Variants in CSMD3 observed in about 807,000 individuals in gnomAD.
CSMD3 encodes the protein CUB and sushi domain-containing protein 3.
Under a neutral mutation model 435.2 loss-of-function variants are expected in CSMD3, and 177 were observed. The ratio of observed to expected loss-of-function variants is 0.41; its 90% CI spans 0.36 to 0.46. CSMD3 has a LOEUF of 0.46. Ranked by LOEUF, CSMD3 falls within the 20% of genes least tolerant of loss-of-function variation. The pLI is 0.34. For synonymous variants in CSMD3, 1,656 were observed against 1,520.5 expected (o/e 1.09, Z -2.07); for missense variants, 4,265 against 4,504.6 (o/e 0.95, Z 1.52).
intron 3 of CSMD3, among the ~76,000 whole-genome samples, chr8:113,252,271 T>C (rs1392872211): frequency 6.6e-6 from 1 of 152,068 alleles, no homozygotes; most frequent in East Asian, 1.9e-4. Flanking sequence ...GTCTGGAACA[T>C]TGGTTTTCAC....
chr8:112,598,934 A>T (rs1440013415), intron 22 of CSMD3, among the ~76,000 whole-genome samples: 2 of 151,628 alleles, frequency 1.3e-5, no homozygotes, highest in Non-Finnish European at 3.0e-5. Context: ...AAACCTAGGC[A>T]GTACCATTCA....
intron 28 of CSMD3, among the ~76,000 whole-genome samples, chr8:112,511,485 G>A (rs1415689142): frequency 1.3e-4 from 19 of 146,592 alleles, no homozygotes; most frequent in Admixed American, 1.2e-3. Flanking sequence ...CGTCTCCCGG[G>A]TTCACGCCAT....
intron 3 of CSMD3, among the ~76,000 whole-genome samples, chr8:113,175,869 T>C (rs1018692018): frequency 1.1e-4 from 17 of 152,034 alleles, no homozygotes; most frequent in Non-Finnish European, 2.2e-4. Flanking sequence ...AAGTTATATG[T>C]CTAGGAGAAA....
intron 16 of CSMD3, among the ~76,000 whole-genome samples, chr8:112,673,806 A>C (rs73342525): frequency 0.017 from 2,648 of 152,228 alleles, 76 homozygotes; most frequent in African/African-American, 0.061. Flanking sequence ...ATTCTCTTAG[A>C]TATCCCATTA....
intron 1 of CSMD3, among the ~76,000 whole-genome samples, chr8:113,391,369 C>T (rs923068179): frequency 3.4e-5 from 5 of 148,262 alleles, no homozygotes; most frequent in African/African-American, 1.2e-4. Flanking sequence ...TGTGTAGATG[C>T]TCCTGTTGGT....
intron 5 of CSMD3, among the ~76,000 whole-genome samples, chr8:113,042,221 T>C (rs2131292129): frequency 6.6e-6 from 1 of 152,274 alleles, no homozygotes; most frequent in African/African-American, 2.4e-5. Context: ...TGGGGTTATA[T>C]TGCACTCGTT....
chr8:112,708,210 T>C (rs1271633846), intron 13 of CSMD3, among the ~76,000 whole-genome samples: 1 of 152,034 alleles, frequency 6.6e-6, no homozygotes, highest in Non-Finnish European at 1.5e-5. Flanking sequence ...AGGACTTTTG[T>C]ATATGGAATT....
intron 3 of CSMD3, among the ~76,000 whole-genome samples, chr8:113,213,253 T>G (rs2092860564): frequency 6.6e-6 from 1 of 152,118 alleles, no homozygotes; most frequent in Non-Finnish European, 1.5e-5. Context: ...TCTCAAGTAA[T>G]TCATCCCATG....
chr8:112,320,769 A>ACTTT (rs1179472842), intron 45 of CSMD3, among the ~76,000 whole-genome samples: 1 of 152,054 alleles, frequency 6.6e-6, no homozygotes, highest in Admixed American at 6.6e-5. Context: ...ACTGTTAAAG[A>ACTTT]GAGTTAAAAA....
At chr8:113,084,688 C>A (rs529486334) in intron 5 of CSMD3, among the ~76,000 whole-genome samples, 4 of 145,788 alleles carry the variant, frequency 2.7e-5, no homozygotes, top group African/African-American at 1.0e-4. Context: ...AATCCATGGA[C>A]ATCACACTAC....
intron 12 of CSMD3, among the ~76,000 whole-genome samples, chr8:112,805,572 T>C (rs2079065623): frequency 6.6e-6 from 1 of 152,214 alleles, no homozygotes; most frequent in South Asian, 2.1e-4. Flanking sequence ...GTGATAAAGA[T>C]GATTGACCTG....
chr8:113,388,685 G>C (rs1474947089), intron 1 of CSMD3, among the ~76,000 whole-genome samples: 4 of 151,524 alleles, frequency 2.6e-5, no homozygotes, highest in African/African-American at 9.7e-5. Flanking sequence ...TCAATCTAAA[G>C]AAAAACATTT....
At chr8:112,965,696 C>T (rs1206245891) in intron 7 of CSMD3, among the ~76,000 whole-genome samples, 2 of 151,866 alleles carry the variant, frequency 1.3e-5, no homozygotes, top group African/African-American at 4.8e-5. Flanking sequence ...ATTCTGAGTA[C>T]TTTTATCTAA....
chr8:112,553,883 T>A (rs975674744), intron 25 of CSMD3, among the ~76,000 whole-genome samples: 5 of 151,918 alleles, frequency 3.3e-5, no homozygotes, highest in African/African-American at 9.7e-5. Flanking sequence ...GATGGATAGT[T>A]TTATGTGTCA....
At chr8:112,308,695 AG>A (rs912583091) in intron 50 of CSMD3, among the ~76,000 whole-genome samples, 6 of 151,944 alleles carry the variant, frequency 3.9e-5, no homozygotes, top group Non-Finnish European at 8.8e-5. Flanking sequence ...TCAATTTTTG[AG>A]GGGGGGATCA....
intron 18 of CSMD3, among the ~76,000 whole-genome samples, chr8:112,652,988 T>C (rs968662287): frequency 6.6e-6 from 1 of 152,108 alleles, no homozygotes; most frequent in African/African-American, 2.4e-5. Flanking sequence ...GGCTAAATTT[T>C]GTATTTTTAG....
At chr8:112,936,185 C>T (rs930566421) in intron 9 of CSMD3, among the ~76,000 whole-genome samples, 8 of 151,978 alleles carry the variant, frequency 5.3e-5, no homozygotes, top group Non-Finnish European at 1.2e-4. Context: ...TACCCCAAGT[C>T]TCTTGCCTCT....
intron 61 of CSMD3, among the ~76,000 whole-genome samples, chr8:112,261,201 G>T (rs1249296662): frequency 2.6e-5 from 4 of 151,946 alleles, no homozygotes; most frequent in African/African-American, 9.7e-5. Context: ...ATGCCAAAGT[G>T]CACCTAATAG....
At chr8:112,469,014 G>A (rs914510307) in intron 32 of CSMD3, among the ~76,000 whole-genome samples, 1 of 151,990 alleles carries the variant, frequency 6.6e-6, no homozygotes, top group Non-Finnish European at 1.5e-5. Flanking sequence ...GATGGCAATT[G>A]ACTGACAAAG....
Sources: gnomAD v4.1 joint callset for allele counts (sites outside exome capture counted in the v4.1 genomes callset) on GRCh38, gnomAD v4.1.1 for gene constraint, MANE v1.5 for transcripts, NCBI Gene and HGNC (gene_info 2026-07-23, HGNC 2026-07-21) for gene names.